ZNF184: variants seen among roughly 807,000 people sequenced by gnomAD.
ZNF184 encodes zinc finger protein 184, also known as zinc finger protein 184 (Kruppel-like).
ZNF184 carries 16 observed loss-of-function variants against 54.4 expected under a neutral mutation model. The ratio of observed to expected loss-of-function variants is 0.29; its 90% CI spans 0.20 to 0.45. The LOEUF is 0.45. ZNF184 is among the 20% of genes least tolerant of loss of function. The probability of loss-of-function intolerance (pLI) is 1.00; values close to 1 mark genes in which losing one functional copy is unlikely to be tolerated. For missense variants in ZNF184, 681 were observed against 888.2 expected (o/e 0.77, Z 2.97); for synonymous variants, 254 against 295.3 (o/e 0.86, Z 1.43).
At chr6:27,441,770 G>C in the ZNF184 span, among the ~76,000 whole-genome samples, 4 of 152,138 alleles carry the variant, frequency 2.6e-5, no homozygotes, top group Non-Finnish European at 5.9e-5. Context: ...TAATTGATAG[G>C]CTGATTCACA....
chr6:27,449,434 T>C (rs1379343189), downstream of ZNF184, among the ~76,000 whole-genome samples: 2 of 152,220 alleles, frequency 1.3e-5, no homozygotes, highest in Admixed American at 1.3e-4. Flanking sequence ...AGGAAAAACT[T>C]ATAACTTCTG....
chr6:27,449,847 G>A (rs142943289), downstream of ZNF184, among the ~76,000 whole-genome samples: 12 of 152,098 alleles, frequency 7.9e-5, no homozygotes, highest in African/African-American at 2.2e-4. Context: ...AGATGTTTAT[G>A]GCATATATGA....
chr6:27,451,448 C>T lies in ZNF184; in HGVS notation c.2111G>A (p.Arg704Lys). Residue 704 changes from arginine (R) to lysine (K), a missense_variant, in exon 6 of 6, where the codon AGA becomes AAA. Arg to Lys is a conservative substitution (Grantham distance 26, BLOSUM62 2). Coordinates refer to ENST00000683788, the MANE Select transcript of ZNF184 (RefSeq NM_001318891.2). The part of the protein sequence containing the change: ...GEKPYNCNEC[R>K]KTFSQSTYLI... ...ATATGTGCTCTGGCTAAAAGTCTTT[C>T]TGCATTCATTACAGTTATAAGGTTT... The T allele has an allele frequency of 6.2e-7, 1 of 1,614,136 alleles. No homozygotes were observed. The highest frequency in any genetic ancestry group is 2.2e-5 in the East Asian group (1 of 44,880).
intron 5 of ZNF184, among the ~76,000 whole-genome samples, chr6:27,455,291 C>T (rs1224753051): frequency 6.6e-6 from 1 of 152,114 alleles, no homozygotes; most frequent in Non-Finnish European, 1.5e-5. Context: ...CTTCTGTTCA[C>T]TGACCAGGTA....
the ZNF184 span, among the ~76,000 whole-genome samples, chr6:27,442,795 A>G: frequency 0.49 from 49,483 of 100,112 alleles, 15,196 homozygotes; most frequent in South Asian, 0.6. Context: ...AGGAAGAAAG[A>G]AAGAAAGAGA....
the ZNF184 span, among the ~76,000 whole-genome samples, chr6:27,424,255 T>C: frequency 2.0e-5 from 3 of 152,176 alleles, no homozygotes; most frequent in East Asian, 1.9e-4. Context: ...CTGCAGACTT[T>C]TGTGATGACT....
chr6:27,460,087 C>A (rs1265252830), intron 3 of ZNF184, among the ~76,000 whole-genome samples: 1 of 152,140 alleles, frequency 6.6e-6, no homozygotes, highest in African/African-American at 2.4e-5. Flanking sequence ...GGATTGCTTC[C>A]ACCCAGAAGT....
chr6:27,443,189 T>A, the ZNF184 span, among the ~76,000 whole-genome samples: 1 of 152,218 alleles, frequency 6.6e-6, no homozygotes, highest in African/African-American at 2.4e-5. Context: ...TTCTCTTGCA[T>A]CTCTCTTATG....
At chr6:27,462,073 T>A (rs1288125474) in intron 3 of ZNF184, among the ~76,000 whole-genome samples, 1 of 152,238 alleles carries the variant, frequency 6.6e-6, no homozygotes, top group Non-Finnish European at 1.5e-5. Context: ...TCAATGGTCC[T>A]GCCTCTATGG....
rs1763292124 is a variant in ZNF184 at position 27,472,179 on chromosome 6, C to A, written c.7+109G>T. The stretch of plus-strand genomic sequence containing the variant: ...GTTTCTTTGCTAATCCCTAAGCATA[C>A]CGTTCCTTCCTTCCAAATCTCCTGC... On this transcript the variant is annotated intron_variant, in intron 2 of 5. Coordinates refer to ENST00000683788, the MANE Select transcript of ZNF184 (RefSeq NM_001318891.2). The surrounding 1 kb of genome is among the most constrained non-coding windows in gnomAD (Gnocchi z 4.8). 3.4e-6 allele frequency: 5 copies of A among 1,463,084 alleles called. No individual in the cohort carries two copies. The South Asian group carries it at 6.1e-5, about 18-fold the overall frequency. 90.6% of individuals were successfully genotyped at this position (1,463,084 alleles called of 1,614,324 possible).
the ZNF184 span, among the ~76,000 whole-genome samples, chr6:27,445,418 G>T: frequency 2.6e-5 from 4 of 152,316 alleles, no homozygotes; most frequent in South Asian, 8.3e-4. Flanking sequence ...TTGCCATTGT[G>T]ACGGTAATAA....
chr6:27,447,007 C>T (rs978297036), downstream of ZNF184, among the ~76,000 whole-genome samples: 4 of 144,966 alleles, frequency 2.8e-5, no homozygotes, highest in Non-Finnish European at 4.5e-5. Flanking sequence ...TAGCTGGGCG[C>T]GGTGGCAAGT....
At chr6:27,411,866 G>A in the ZNF184 span, among the ~76,000 whole-genome samples, 5 of 152,196 alleles carry the variant, frequency 3.3e-5, no homozygotes, top group African/African-American at 7.2e-5. Context: ...GAGGCCAGCC[G>A]CCCTCCCTCC....
the ZNF184 span, among the ~76,000 whole-genome samples, chr6:27,413,202 G>A: frequency 7.2e-5 from 11 of 152,186 alleles, no homozygotes; most frequent in African/African-American, 2.2e-4. Flanking sequence ...AGGTTGTCGT[G>A]AGCCAGAGAT....
the ZNF184 span, among the ~76,000 whole-genome samples, chr6:27,426,909 A>G: frequency 1.3e-5 from 2 of 152,172 alleles, no homozygotes; most frequent in African/African-American, 2.4e-5. The surrounding 1 kb of genome is among the most constrained non-coding windows in gnomAD (Gnocchi z 4.2). Context: ...ATATGACAAC[A>G]TAGTCTTTGT....
chr6:27,459,270 G>C (rs1001914715), intron 3 of ZNF184, among the ~76,000 whole-genome samples: 1 of 152,096 alleles, frequency 6.6e-6, no homozygotes, highest in Non-Finnish European at 1.5e-5. Flanking sequence ...AAATGTTCAA[G>C]GTGATGGATA....
chr6:27,432,572 T>A, the ZNF184 span, among the ~76,000 whole-genome samples: 1 of 152,074 alleles, frequency 6.6e-6, no homozygotes, highest in African/African-American at 2.4e-5. This position sits in a 1 kb window ranked among gnomAD's most constrained non-coding sequence, Gnocchi z 4.0. Context: ...TAGGAGAGGC[T>A]GCAGGGAGAG....
At chr6:27,448,683 T>G (rs1344536961), downstream of ZNF184, among the ~76,000 whole-genome samples, 2 of 152,160 alleles carry the variant, frequency 1.3e-5, no homozygotes, top group Admixed American at 1.3e-4. Context: ...TGGAATGTTA[T>G]CCTCTCAGAT....
chr6:27,457,865 G>C (rs34196306), intron 3 of ZNF184, among the ~76,000 whole-genome samples: 6,899 of 151,940 alleles, frequency 0.045, 254 homozygotes, highest in Non-Finnish European at 0.081. Context: ...GGCCTAGTCT[G>C]GAATAAAACA....
Sources: gnomAD v4.1 joint callset for allele counts (sites outside exome capture counted in the v4.1 genomes callset) on GRCh38, gnomAD v4.1.1 for gene constraint, Gnocchi (gnomAD v3.1) non-coding constraint, MANE v1.5 for transcripts, NCBI Gene and HGNC (gene_info 2026-07-23, HGNC 2026-07-21) for gene names.